JAKMIP3: variants seen among roughly 807,000 people sequenced by gnomAD.
JAKMIP3 encodes the protein Janus kinase and microtubule interacting protein 3, also known as janus kinase and microtubule-interacting protein 3.
Under a neutral mutation model 118.5 loss-of-function variants are expected in JAKMIP3, and 58 were observed. The observed-to-expected ratio is 0.49, with a 90% CI of 0.40 to 0.61. JAKMIP3 has a LOEUF of 0.61. Ranked by LOEUF, JAKMIP3 falls within the 20% of genes least tolerant of loss-of-function variation. JAKMIP3 has a pLI of 0.00. For missense variants in JAKMIP3, 950 were observed against 1,109.0 expected (o/e 0.86, Z 2.04); for synonymous variants, 486 against 451.2 (o/e 1.08, Z -0.98).
intron 21 of JAKMIP3, 93 bp from the exon 22 acceptor site, chr10:132,166,890 T>A: frequency 1.1e-6 from 1 of 875,950 alleles, no homozygotes; most frequent in Non-Finnish European, 1.8e-6. Flanking sequence ...CTGTCTTCAG[T>A]CTGTAATCGC....
At position 132,184,855 on chromosome 10, in the gene JAKMIP3, C is replaced by T. The variant is rs1035056157; in HGVS notation, c.*3602C>T. Reference sequence around the variant, plus strand: ...AGGTATTAAAGTTTGAACTGAAAGCCGTATGAGCCATTTCTGCACTTCTGA... The same window carrying T: ...AGGTATTAAAGTTTGAACTGAAAGCTGTATGAGCCATTTCTGCACTTCTGA... On this transcript the variant is annotated 3_prime_UTR_variant, in exon 24 of 24. Transcript: ENST00000684848. 3 of 152,208 alleles carry T rather than the reference C, an allele frequency of 2.0e-5. No individual in the cohort carries two copies. The highest frequency in any genetic ancestry group is 6.5e-5 in the Admixed American group (1 of 15,280). The allele number at this position is 152,208 out of a possible 1,614,324, so 9.4% of individuals were successfully genotyped here.
chr10:132,043,722 G>A (rs958698090), intron 1 of JAKMIP3, among the ~76,000 whole-genome samples: 3 of 152,180 alleles, frequency 2.0e-5, no homozygotes, highest in African/African-American at 7.2e-5. Flanking sequence ...GGAGGGCTGG[G>A]GGGAGCGGGG....
At chr10:132,054,168 A>G (rs79917483) in intron 1 of JAKMIP3, among the ~76,000 whole-genome samples, 1 of 152,118 alleles carries the variant, frequency 6.6e-6, no homozygotes, top group East Asian at 1.9e-4. Context: ...TGAACTTGGA[A>G]GAGGACATGG....
At chr10:132,143,370 GC>G (rs1261923782) in intron 11 of JAKMIP3, among the ~76,000 whole-genome samples, 1 of 152,106 alleles carries the variant, frequency 6.6e-6, no homozygotes, top group East Asian at 1.9e-4. Context: ...CACAGCGGGG[GC>G]GGGGCAACAG....
intron 1 of JAKMIP3, among the ~76,000 whole-genome samples, chr10:132,043,062 C>T (rs2037809527): frequency 6.6e-6 from 1 of 152,056 alleles, no homozygotes; most frequent in Non-Finnish European, 1.5e-5. Context: ...CCACTGCACT[C>T]CAGCCTGGGC....
At chr10:132,164,566 G>C in intron 20 of JAKMIP3, 104 bp from the exon 21 acceptor site, 1 of 767,056 alleles carries the variant, frequency 1.3e-6, no homozygotes, top group Non-Finnish European at 2.2e-6. Context: ...CATGCCAGCT[G>C]CTCTGCGACG....
At chr10:132,138,900 C>T (rs1042038946) in intron 9 of JAKMIP3, among the ~76,000 whole-genome samples, 1 of 152,336 alleles carries the variant, frequency 6.6e-6, no homozygotes, top group African/African-American at 2.4e-5. Flanking sequence ...ATCCACAGGC[C>T]CCACAGGGCA....
At position 132,164,699 on chromosome 10, in the gene JAKMIP3, A is replaced by G; in HGVS notation, c.2454A>G (p.Glu818=). Residue 818 remains glutamate (E), a synonymous_variant, in exon 21 of 24, where the codon GAA becomes GAG. Coordinates refer to ENST00000684848, the MANE Select transcript of JAKMIP3 (RefSeq NM_001323087.2). ...TTAAAGAGTTAGAAGAAAGAATAGA[A>G]GCTCAGAAGAGACAAATAAAGGAAC... ...QRIKELEERI[E]AQKRQIKELE... The G allele has an allele frequency of 6.2e-7, 1 of 1,601,090 alleles. No homozygotes were observed.
At position 132,152,985 on chromosome 10, in the gene JAKMIP3, G is replaced by C. The variant is rs368527879; in HGVS notation, c.2035G>C (p.Val679Leu). Residue 679 changes from valine to leucine, a missense_variant, in exon 17 of 24, where the codon GTC becomes CTC. Transcript: ENST00000684848. ...SNLTNEEQVV[V>L]IQARTVLTLA... is the part of the protein sequence containing the mutation. ...CCTGACCAATGAGGAGCAGGTGGTT[G>C]TCATACAAGCCAGGACAGTCCTGAC... 1.2e-6 allele frequency: 2 copies of C among 1,608,726 alleles called. No individual in the cohort carries two copies. The highest frequency in any genetic ancestry group is 1.7e-6 in the Non-Finnish European group (2 of 1,178,130).
In JAKMIP3 at chr10:132,117,652, C is replaced by T. The variant is rs536325894; in HGVS notation, c.633+78C>T. The T allele has an allele frequency of 6.1e-6, 7 of 1,155,996 alleles. No homozygotes were observed. In the Admixed American group the frequency reaches 1.7e-4, roughly 27 times the overall value. The allele number at this position is 1,155,996 out of a possible 1,614,324, so 71.6% of individuals were successfully genotyped here. ...GCGAGGGTGCAGGGGCGGGCGTGGG[C>T]GAGGGTGCAGGCGTGGGCTCGGGGA... On this transcript the variant is annotated intron_variant, in intron 3 of 23. Transcript: ENST00000684848. This position sits in a 1 kb window ranked among gnomAD's most constrained non-coding sequence, Gnocchi z 8.6.
chr10:132,114,438 T>C (rs1340898413), intron 2 of JAKMIP3, among the ~76,000 whole-genome samples: 1 of 152,202 alleles, frequency 6.6e-6, no homozygotes, highest in African/African-American at 2.4e-5. Context: ...TTGCCCAGGC[T>C]GGTCTTGAAC....
chr10:132,128,092 T>C (rs1354432313), intron 3 of JAKMIP3, among the ~76,000 whole-genome samples: 1 of 152,234 alleles, frequency 6.6e-6, no homozygotes. Context: ...ATTATTTGCA[T>C]TGTGGGTGTA....
chr10:132,048,662 C>CTTTT (rs1366816957), intron 1 of JAKMIP3, among the ~76,000 whole-genome samples: 8 of 99,322 alleles, frequency 8.1e-5, no homozygotes, highest in South Asian at 4.1e-4. Flanking sequence ...TTGACTGTTT[C>CTTTT]TTTTCTTTTT....
chr10:132,104,833 C>G lies in JAKMIP3; in HGVS notation c.25C>G (p.Arg9Gly), dbSNP rs768454996. The change falls in exon 2 of 24, where the codon CGG (arginine) becomes GGG (glycine). Residue 9 changes from arginine to glycine, a missense_variant. Arg to Gly is a moderately radical substitution (Grantham distance 125, BLOSUM62 -2). Transcript: ENST00000684848. ...CATGTCCAAGAGGGGCATGAGCAGC[C>G]GGGCCAAGGGGGACAAGGCAGAGGC... MSKRGMSS[R>G]AKGDKAEALA... 2.0e-5 allele frequency: 31 copies of G among 1,553,032 alleles called. No individual in the cohort carries two copies. In the South Asian group the frequency reaches 3.6e-4, roughly 18 times the overall value.
intron 2 of JAKMIP3, among the ~76,000 whole-genome samples, chr10:132,110,052 G>A (rs1490607775): frequency 1.3e-5 from 2 of 152,218 alleles, no homozygotes; most frequent in African/African-American, 4.8e-5. Flanking sequence ...CTAATTTCCA[G>A]CAGATCCAGG....
At position 132,109,089 on chromosome 10, in the gene JAKMIP3, CACACAT is replaced by C. The variant is rs1564908385; in HGVS notation, c.135+4148_135+4153del. Among the ~76,000 whole-genome samples, 109 of 133,774 alleles carry C rather than the reference CACACAT, an allele frequency of 8.1e-4. 11 individuals are homozygous for C. Among genetic ancestry groups the C allele is most frequent in the South Asian group, 1.4e-3 (6 of 4,366 alleles). 87.8% of individuals were successfully genotyped at this position (133,774 alleles called of 152,430 possible). On this transcript the variant is annotated intron_variant, in intron 2 of 23. Transcript: ENST00000684848. ...ATACACACATACACATATATATACA[CACACAT>C]ATATATATACACACACACATATATA... is the stretch of plus-strand genomic sequence containing the variant.
Position 132,167,094 on chromosome 10 carries a change from T to C in JAKMIP3, c.*22+39T>C, listed in dbSNP as rs761223690. 29 of 1,409,846 alleles carry C rather than the reference T, an allele frequency of 2.1e-5. No homozygotes were observed. The South Asian group carries it at 3.6e-4, about 18-fold the overall frequency. The allele number at this position is 1,409,846 out of a possible 1,614,324, so 87.3% of individuals were successfully genotyped here. A position where few individuals can be genotyped will look rare whatever the true frequency, so the allele number is the denominator to read the frequency against. ...TGGCAGGGCCCAGCAGGGGTCCCGC[T>C]CTGCTTCCCGGAAGACTCCTCTGCC... On this transcript the variant is annotated intron_variant, in intron 22 of 23. Coordinates refer to ENST00000684848, the MANE Select transcript of JAKMIP3 (RefSeq NM_001323087.2).
At chr10:132,180,554 CAT>C (rs1311998844) in intron 23 of JAKMIP3, among the ~76,000 whole-genome samples, 129 of 4,320 alleles carry the variant, frequency 0.03, 27 homozygotes, top group African/African-American at 0.099. Flanking sequence ...TGCGTGCGTG[CAT>C]GCGTGTGTGT....
At chr10:132,040,406 G>T (rs540039405) in intron 1 of JAKMIP3, among the ~76,000 whole-genome samples, 4 of 152,122 alleles carry the variant, frequency 2.6e-5, no homozygotes, top group African/African-American at 9.7e-5. Context: ...CCCTCGCTCC[G>T]TATCTATACA....
Sources: gnomAD v4.1 joint callset for allele counts (sites outside exome capture counted in the v4.1 genomes callset) on GRCh38, gnomAD v4.1.1 for gene constraint, Gnocchi (gnomAD v3.1) non-coding constraint, MANE v1.5 for transcripts, NCBI Gene and HGNC (gene_info 2026-07-23, HGNC 2026-07-21) for gene names.